Variants in RPIA observed in about 807,000 individuals in gnomAD.
RPIA encodes the protein ribose-5-phosphate isomerase.
In RPIA, 29 loss-of-function variants were observed where a neutral mutation model predicts 37.8. The ratio of observed to expected loss-of-function variants is 0.77; its 90% confidence interval spans 0.57 to 1.05. The LOEUF (loss-of-function observed/expected upper bound fraction) is 1.05, where lower values mean the gene tolerates loss of function less well. Ranked by LOEUF, RPIA falls within the 50% of genes least tolerant of loss-of-function variation. The pLI is 0.00. For missense variants in RPIA, 385 were observed against 413.6 expected (o/e 0.93, Z 0.60); for synonymous variants, 167 against 157.0 (o/e 1.06, Z -0.48).
chr2:88,721,375 GAA>G (rs1673120271), intron 3 of RPIA, among the ~76,000 whole-genome samples: 5 of 149,968 alleles, frequency 3.3e-5, no homozygotes, highest in African/African-American at 7.3e-5. Context: ...TTAAAAAAAA[GAA>G]AATAAATTTA....
At chr2:88,704,199 C>T (rs13405684) in intron 3 of RPIA, among the ~76,000 whole-genome samples, 9,388 of 152,296 alleles carry the variant, frequency 0.062, 516 homozygotes, top group African/African-American at 0.14. Context: ...TCTAAAGTCA[C>T]TTCCATATTT....
At chr2:88,695,731 A>T (rs1487485462) in intron 1 of RPIA, among the ~76,000 whole-genome samples, 1 of 152,230 alleles carries the variant, frequency 6.6e-6, no homozygotes, top group East Asian at 1.9e-4. Flanking sequence ...TATAGGTGGA[A>T]TCCTGACCTA....
intron 3 of RPIA, among the ~76,000 whole-genome samples, chr2:88,725,441 A>C (rs1168098636): frequency 6.6e-6 from 1 of 151,694 alleles, no homozygotes; most frequent in Non-Finnish European, 1.5e-5. Context: ...ACTGTGAAGG[A>C]GAATCTGTCC....
chr2:88,719,966 A>G (rs1673099218), intron 3 of RPIA, among the ~76,000 whole-genome samples: 1 of 152,088 alleles, frequency 6.6e-6, no homozygotes, highest in South Asian at 2.1e-4. Flanking sequence ...GGCCCTTACA[A>G]TCTCACACAC....
intron 4 of RPIA, among the ~76,000 whole-genome samples, chr2:88,733,665 G>GA (rs1673279351): frequency 6.6e-6 from 1 of 152,198 alleles, no homozygotes; most frequent in African/African-American, 2.4e-5. Context: ...AAGCAAGCAT[G>GA]ACCCATATGA....
chr2:88,704,434 A>C (rs1319650430), intron 3 of RPIA, among the ~76,000 whole-genome samples: 1 of 152,236 alleles, frequency 6.6e-6, no homozygotes, highest in Non-Finnish European at 1.5e-5. Context: ...GAGAATGAAG[A>C]AGATGCAAAA....
chr2:88,716,230 A>T (rs1412248418), intron 3 of RPIA, among the ~76,000 whole-genome samples: 2 of 151,964 alleles, frequency 1.3e-5, no homozygotes, highest in African/African-American at 4.8e-5. Context: ...TCTACTTATG[A>T]CCCGGAAGAC....
Position 88,721,580 on chromosome 2 carries a change from C to A in RPIA, c.403-7698C>A, listed in dbSNP as rs1432755921. Among the ~76,000 whole-genome samples the A allele has an allele frequency of 3.8e-5, 5 of 133,270 alleles. No individual in the cohort carries two copies. The East Asian group carries it at 7.0e-4, about 19-fold the overall frequency. 87.4% of individuals were successfully genotyped at this position (133,270 alleles called of 152,430 possible). On this transcript the variant is annotated intron_variant, in intron 3 of 8. Coordinates refer to ENST00000283646, the MANE Select transcript of RPIA (RefSeq NM_144563.3). ...ACACACACACACACACACCCCCCCC[C>A]CCACATGCACACATGTTTTTTGCAG...
chr2:88,738,888 C>G (rs1673349688), intron 8 of RPIA, among the ~76,000 whole-genome samples: 1 of 152,216 alleles, frequency 6.6e-6, no homozygotes, highest in Non-Finnish European at 1.5e-5. Context: ...CCTAAGTTGT[C>G]TGCCACTAGA....
At chr2:88,738,877 C>A (rs775202605) in intron 8 of RPIA, among the ~76,000 whole-genome samples, 1 of 152,254 alleles carries the variant, frequency 6.6e-6, no homozygotes, top group East Asian at 1.9e-4. Context: ...AAGATGGGCA[C>A]CCTAAGTTGT....
At chr2:88,734,013 T>C (rs1253950083) in intron 4 of RPIA, among the ~76,000 whole-genome samples, 1 of 151,974 alleles carries the variant, frequency 6.6e-6, no homozygotes, top group Non-Finnish European at 1.5e-5. Flanking sequence ...CTTGTGTATC[T>C]CTTCATTTGA....
At chr2:88,719,705 C>G (rs139367322) in intron 3 of RPIA, among the ~76,000 whole-genome samples, 174 of 152,138 alleles carry the variant, frequency 1.1e-3, no homozygotes, top group African/African-American at 3.8e-3. Context: ...AAGCCCTAAT[C>G]AAAACATGAA....
intron 8 of RPIA, 97 bp downstream of exon 8, chr2:88,738,173 G>C (rs1327887192): frequency 3.4e-6 from 3 of 880,752 alleles, no homozygotes; most frequent in Non-Finnish European, 5.8e-6. Flanking sequence ...CATGGGCTTT[G>C]TAAGGCTTGG....
intron 3 of RPIA, among the ~76,000 whole-genome samples, chr2:88,717,562 C>T (rs1240384824): frequency 4.6e-5 from 7 of 152,110 alleles, no homozygotes; most frequent in Non-Finnish European, 1.0e-4. Flanking sequence ...ATGCATTTAT[C>T]GCAGTGAGCA....
intron 1 of RPIA, among the ~76,000 whole-genome samples, chr2:88,694,419 A>T (rs1676986010): frequency 6.6e-6 from 1 of 152,196 alleles, no homozygotes; most frequent in South Asian, 2.1e-4. Flanking sequence ...ACATGAATGT[A>T]TGGCTAAGCT....
Position 88,750,543 on chromosome 2 carries a change from T to G in RPIA, c.*465T>G. ...CTTTGTTTACTTGTCTGCTACCCTC[T>G]GATTTGTTTTTAGTTAGTTTTTATT... On this transcript the variant is annotated 3_prime_UTR_variant, in exon 9 of 9. Coordinates refer to ENST00000283646, the MANE Select transcript of RPIA (RefSeq NM_144563.3). The G allele has an allele frequency of 2.4e-6, 1 of 416,492 alleles. No individual in the cohort carries two copies. Among genetic ancestry groups the G allele is most frequent in the Non-Finnish European group, 4.2e-6 (1 of 236,196 alleles). 25.8% of individuals were successfully genotyped at this position (416,492 alleles called of 1,614,324 possible). A position where few individuals can be genotyped will look rare whatever the true frequency, so the allele number is the denominator to read the frequency against.
chr2:88,696,301 T>A lies in RPIA; in HGVS notation c.286-2183T>A, dbSNP rs370297834. ...GGCTCATCCTGTAATCCCAGCACTT[T>A]GGGAGGCAGAGGTGAGATGATCACT... On this transcript the variant is annotated intron_variant, in intron 1 of 8. Coordinates refer to ENST00000283646, the MANE Select transcript of RPIA (RefSeq NM_144563.3). 4.6e-5 allele frequency among the ~76,000 whole-genome samples: 7 copies of A among 152,160 alleles called. No homozygotes were observed. In the East Asian group the frequency reaches 5.8e-4, roughly 13 times the overall value.
At chr2:88,739,825 C>G (rs1197403651) in intron 8 of RPIA, among the ~76,000 whole-genome samples, 1 of 152,146 alleles carries the variant, frequency 6.6e-6, no homozygotes, top group Non-Finnish European at 1.5e-5. Context: ...ACGATGTTGT[C>G]CAGGCTGGTC....
chr2:88,721,781 TTAAA>T (rs1049285875), intron 3 of RPIA, among the ~76,000 whole-genome samples: 38 of 150,276 alleles, frequency 2.5e-4, no homozygotes, highest in African/African-American at 9.0e-4. Flanking sequence ...AAATATATCT[TTAAA>T]TACATATATT....
Sources: gnomAD v4.1 joint callset for allele counts (sites outside exome capture counted in the v4.1 genomes callset) on GRCh38, gnomAD v4.1.1 for gene constraint, MANE v1.5 for transcripts, NCBI Gene and HGNC (gene_info 2026-07-23, HGNC 2026-07-21) for gene names.